Variants in TC2N observed in about 807,000 individuals in gnomAD.
TC2N encodes the protein tandem C2 domains nuclear protein.
In TC2N, 51 loss-of-function variants were observed where a neutral mutation model predicts 61.9. The ratio of observed to expected loss-of-function variants is 0.82; its 90% CI spans 0.66 to 1.04. The LOEUF is 1.04. Among genes scored for constraint, TC2N ranks in the 50% least tolerant of loss-of-function variants. TC2N has a pLI of 0.00. For synonymous variants in TC2N, 204 were observed against 192.6 expected (o/e 1.06, Z -0.49); for missense variants, 556 against 566.7 (o/e 0.98, Z 0.19).
chr14:91,796,922 G>C (rs1191496095), intron 8 of TC2N, among the ~76,000 whole-genome samples: 1 of 151,520 alleles, frequency 6.6e-6, no homozygotes, highest in East Asian at 1.9e-4. Context: ...CACATTTGAA[G>C]TTTTTTCAAT....
At chr14:91,823,642 A>G (rs1887362175) in intron 1 of TC2N, among the ~76,000 whole-genome samples, 1 of 152,104 alleles carries the variant, frequency 6.6e-6, no homozygotes, top group Non-Finnish European at 1.5e-5. Flanking sequence ...AAGCTTCACA[A>G]CTTTTTCTAA....
chr14:91,863,500 T>C (rs1359051168), intron 1 of TC2N, among the ~76,000 whole-genome samples: 1 of 152,188 alleles, frequency 6.6e-6, no homozygotes, highest in Admixed American at 6.5e-5. Flanking sequence ...GGTTATATAC[T>C]GGTTTGGCCT....
At chr14:91,851,525 C>T (rs1225253207) in intron 1 of TC2N, among the ~76,000 whole-genome samples, 3 of 152,114 alleles carry the variant, frequency 2.0e-5, no homozygotes, top group East Asian at 1.9e-4. Flanking sequence ...GCCGTAGCGT[C>T]GGAATGAAGA....
intron 3 of TC2N, among the ~76,000 whole-genome samples, chr14:91,810,325 C>T (rs1886707802): frequency 6.6e-6 from 1 of 151,792 alleles, no homozygotes; most frequent in Non-Finnish European, 1.5e-5. Context: ...TTGGCGGGGC[C>T]AAACATCCAA....
chr14:91,783,102 A>T lies in TC2N; in HGVS notation c.1471T>A (p.Ter491ArgextTer8). The change falls in exon 12 of 12, where the codon TGA becomes AGA. Residue 491 changes from the stop codon to arginine (R), a stop_lost. Transcript: ENST00000435962. ...VIRWHKLNPS[*>R] ...CACCAAATTAATGTGTGAAGTCTTC[A>T]AGATGGATTTAATTTGTGCCACCTG... The T allele has an allele frequency of 1.3e-6, 2 of 1,585,336 alleles. No individual in the cohort carries two copies. The highest frequency in any genetic ancestry group is 1.7e-6 in the Non-Finnish European group (2 of 1,154,784).
intron 1 of TC2N, among the ~76,000 whole-genome samples, chr14:91,851,775 C>A (rs1482279176): frequency 3.9e-5 from 6 of 152,192 alleles, no homozygotes; most frequent in Admixed American, 3.9e-4. Context: ...GACCTCCACA[C>A]TGTATTATGC....
At position 91,780,349 on chromosome 14, in the gene TC2N, T is replaced by G. The variant is rs1347489625; in HGVS notation, c.*2751A>C. 1 of 152,236 alleles carries G rather than the reference T, an allele frequency of 6.6e-6. No individual in the cohort carries two copies. The highest frequency in any genetic ancestry group is 1.9e-4 in the East Asian group (1 of 5,204). The allele number at this position is 152,236 out of a possible 1,614,324, so 9.4% of individuals were successfully genotyped here. A position where few individuals can be genotyped will look rare whatever the true frequency, so the allele number is the denominator to read the frequency against. ...AGTATCAGAGAAATTCATGTAACTATATTTAAACAGAACTTCAGTTTAGGG... is the reference window on the plus strand; with the variant it reads ...AGTATCAGAGAAATTCATGTAACTAGATTTAAACAGAACTTCAGTTTAGGG... On this transcript the variant is annotated 3_prime_UTR_variant, in exon 12 of 12. Coordinates refer to ENST00000435962, the MANE Select transcript of TC2N (RefSeq NM_001128596.3).
intron 1 of TC2N, among the ~76,000 whole-genome samples, chr14:91,865,296 G>C: frequency 6.7e-6 from 1 of 150,342 alleles, no homozygotes; most frequent in Non-Finnish European, 1.5e-5. Flanking sequence ...CTAACTGGAG[G>C]CTTTCATCCC....
At chr14:91,865,303 TC>T (rs72274676) in intron 1 of TC2N, among the ~76,000 whole-genome samples, 9,761 of 151,148 alleles carry the variant, frequency 0.065, 387 homozygotes, top group East Asian at 0.14. Context: ...GAGGCTTTCA[TC>T]CCCGCAAAAG....
intron 1 of TC2N, among the ~76,000 whole-genome samples, chr14:91,815,879 TG>T (rs1298536254): frequency 6.6e-6 from 1 of 151,710 alleles, no homozygotes; most frequent in African/African-American, 2.4e-5. Flanking sequence ...CTGTAATGAA[TG>T]GTAACATATC....
At chr14:91,824,108 G>C (rs374667475) in intron 1 of TC2N, among the ~76,000 whole-genome samples, 5 of 152,128 alleles carry the variant, frequency 3.3e-5, no homozygotes, top group Admixed American at 3.3e-4. Flanking sequence ...ATGATATGGG[G>C]ACATTTAGCT....
intron 1 of TC2N, among the ~76,000 whole-genome samples, chr14:91,823,566 C>T (rs1384592006): frequency 6.6e-6 from 1 of 150,992 alleles, no homozygotes; most frequent in Non-Finnish European, 1.5e-5. Context: ...CAAAGTCCTT[C>T]TAATTTTACC....
rs1274907131 is a variant in TC2N at position 91,779,779 on chromosome 14, G to T, written c.*3321C>A. ...AATATAATTATTTATTGTAATCATG[G>T]TTTATAGAAATCACATTTTTTATAG... On this transcript the variant is annotated 3_prime_UTR_variant, in exon 12 of 12. Coordinates refer to ENST00000435962, the MANE Select transcript of TC2N (RefSeq NM_001128596.3). 6 of 151,820 alleles carry T rather than the reference G, an allele frequency of 4.0e-5. No individual in the cohort carries two copies. The highest frequency in any genetic ancestry group is 1.5e-4 in the African/African-American group (6 of 41,308). The allele number at this position is 151,820 out of a possible 1,614,324, so 9.4% of individuals were successfully genotyped here.
intron 3 of TC2N, among the ~76,000 whole-genome samples, chr14:91,803,168 A>G (rs1305646761): frequency 6.6e-6 from 1 of 152,082 alleles, no homozygotes; most frequent in African/African-American, 2.4e-5. Flanking sequence ...AGACAACTGG[A>G]TATCAACAGG....
chr14:91,783,691 G>A lies in TC2N; in HGVS notation c.1363-481C>T, dbSNP rs200448764. Among the ~76,000 whole-genome samples, 13 of 152,014 alleles carry A rather than the reference G, an allele frequency of 8.6e-5. No individual in the cohort carries two copies. The East Asian group carries it at 1.9e-3, about 22-fold the overall frequency. On this transcript the variant is annotated intron_variant, in intron 11 of 11. Coordinates refer to ENST00000435962, the MANE Select transcript of TC2N (RefSeq NM_001128596.3). Reference sequence around the variant, plus strand: ...ATCTAATAGTCATTCTTGATCAATAGTAATTTCATAGTACCCATCACTTAT... The same window carrying A: ...ATCTAATAGTCATTCTTGATCAATAATAATTTCATAGTACCCATCACTTAT...
intron 1 of TC2N, among the ~76,000 whole-genome samples, chr14:91,865,496 C>T (rs1888681599): frequency 6.7e-6 from 1 of 150,336 alleles, no homozygotes; most frequent in Non-Finnish European, 1.5e-5. Flanking sequence ...GCACAAGGAA[C>T]AATCTGTATA....
chr14:91,838,205 C>A (rs1476129856), intron 1 of TC2N, among the ~76,000 whole-genome samples: 2 of 149,330 alleles, frequency 1.3e-5, no homozygotes, highest in African/African-American at 5.0e-5. Flanking sequence ...TGCAGTGGCA[C>A]AATCATAGCT....
rs1438136206 is a variant in TC2N at position 91,837,685 on chromosome 14, G to T, written c.-56-23860C>A. Among the ~76,000 whole-genome samples, 1 of 152,188 alleles carries T rather than the reference G, an allele frequency of 6.6e-6. No individual in the cohort carries two copies. The highest frequency in any genetic ancestry group is 2.4e-5 in the African/African-American group (1 of 41,428). On this transcript the variant is annotated intron_variant, in intron 1 of 11. Transcript: ENST00000435962. This position sits in a 1 kb window ranked among gnomAD's most constrained non-coding sequence, Gnocchi z 4.2. Reference sequence around the variant, plus strand: ...ATCACCAGATCACATTAATGTGGGGGAGAGAGACACAAAATATTTGTTTTC... The same window carrying T: ...ATCACCAGATCACATTAATGTGGGGTAGAGAGACACAAAATATTTGTTTTC...
In TC2N at chr14:91,812,408, C is replaced by G; in HGVS notation, c.205G>C (p.Asp69His). Residue 69 changes from aspartate to histidine, a missense_variant, in exon 3 of 12, where the codon GAT becomes CAT. Coordinates refer to ENST00000435962, the MANE Select transcript of TC2N (RefSeq NM_001128596.3). ...EDYLLSKLPS[D>H]GKEVPFVVPK... ...ACCACAAATGGTACTTCTTTGCCAT[C>G]AGATGGTAATTTGGAAAGCAAATAA... is the stretch of plus-strand genomic sequence containing the variant. The G allele has an allele frequency of 6.2e-7, 1 of 1,612,734 alleles. No individual in the cohort carries two copies. Among genetic ancestry groups the G allele is most frequent in the Non-Finnish European group, 8.5e-7 (1 of 1,179,160 alleles).
Sources: allele counts gnomAD v4.1 joint callset (sites outside exome capture counted in the v4.1 genomes callset), GRCh38; gene constraint gnomAD v4.1.1; non-coding constraint Gnocchi (gnomAD v3.1); transcripts MANE v1.5; gene names NCBI Gene and HGNC (gene_info 2026-07-23, HGNC 2026-07-21).